TDRD10: variants seen among roughly 807,000 people sequenced by gnomAD.
TDRD10 encodes the protein tudor domain containing 10, also known as tudor domain-containing protein 10.
TDRD10 carries 40 observed loss-of-function variants against 48.0 expected under a neutral mutation model. That is an observed-to-expected ratio of 0.83 (90% CI 0.65 to 1.09). TDRD10 has a LOEUF of 1.09. TDRD10 is among the 50% of genes least tolerant of loss of function. TDRD10 has a pLI of 0.00. For synonymous variants in TDRD10, 162 were observed against 170.4 expected (o/e 0.95, Z 0.38); for missense variants, 378 against 434.7 (o/e 0.87, Z 1.16).
intron 8 of TDRD10, 146 bp downstream of exon 8, chr1:154,542,967 C>G: frequency 1.7e-6 from 1 of 603,174 alleles, no homozygotes; most frequent in Non-Finnish European, 2.9e-6. Context: ...GGCTGTGACC[C>G]ACACTGACTT....
rs181768703 is a variant in TDRD10 at position 154,512,531 on chromosome 1, A to G, written c.141+4050A>G. Among the ~76,000 whole-genome samples, 372 of 152,120 alleles carry G rather than the reference A, an allele frequency of 2.4e-3. 5 individuals are homozygous for G. The highest frequency in any genetic ancestry group is 1.7e-3 in the Non-Finnish European group (113 of 67,988). ...GGCTAAATTTGTATTTTTGGTAGAG[A>G]TGGGGTTTCTCCATGATGGTCAGGC... On this transcript the variant is annotated intron_variant, in intron 4 of 12. Coordinates refer to ENST00000368482, the MANE Select transcript of TDRD10 (RefSeq NM_182499.4).
intron 6 of TDRD10, among the ~76,000 whole-genome samples, chr1:154,522,833 T>G (rs757668018): frequency 6.6e-6 from 1 of 152,248 alleles, no homozygotes; most frequent in Non-Finnish European, 1.5e-5. Flanking sequence ...TTCTGGCTCA[T>G]TATCTTTCTG....
intron 4 of TDRD10, among the ~76,000 whole-genome samples, chr1:154,508,928 TC>T (rs1381261363): frequency 6.6e-6 from 1 of 152,142 alleles, no homozygotes; most frequent in Non-Finnish European, 1.5e-5. Context: ...ATGTAAGCAA[TC>T]GTATTTTTGA....
chr1:154,532,545 GCTC>G (rs1192357919), intron 6 of TDRD10, among the ~76,000 whole-genome samples: 1 of 152,224 alleles, frequency 6.6e-6, no homozygotes, highest in Non-Finnish European at 1.5e-5. Context: ...GGGCTGAAGG[GCTC>G]CTCAAGCGCG....
At chr1:154,533,353 G>GTTTT (rs75204432) in intron 6 of TDRD10, among the ~76,000 whole-genome samples, 3 of 134,434 alleles carry the variant, frequency 2.2e-5, no homozygotes, top group Admixed American at 7.5e-5. Flanking sequence ...CTTTTGTTGG[G>GTTTT]TTTTTTTTTT....
Position 154,533,545 on chromosome 1 carries a change from A to T in TDRD10, c.370-8479A>T, listed in dbSNP as rs575097086. On this transcript the variant is annotated intron_variant, in intron 6 of 12. Transcript: ENST00000368482. ...CAGAGTCTTCTTATGTTTGTTTTAC[A>T]TGTAATGTCCTGGGCTCTTAGTTGT... Among the ~76,000 whole-genome samples, 8 of 152,112 alleles carry T rather than the reference A, an allele frequency of 5.3e-5. No individual in the cohort carries two copies. In the South Asian group the frequency reaches 1.7e-3, roughly 32 times the overall value.
intron 6 of TDRD10, among the ~76,000 whole-genome samples, chr1:154,530,077 C>T (rs1352163914): frequency 1.3e-5 from 2 of 151,116 alleles, no homozygotes; most frequent in East Asian, 2.0e-4. Context: ...TGCAATGACA[C>T]GATCTTGGCT....
chr1:154,525,875 A>C (rs1479307509), intron 6 of TDRD10, among the ~76,000 whole-genome samples: 1 of 130,912 alleles, frequency 7.6e-6, no homozygotes, highest in Non-Finnish European at 1.6e-5. Context: ...CAGCCTGGGC[A>C]ACAGAGCAAG....
Position 154,507,123 on chromosome 1 carries a change from C to G in TDRD10, c.3-118C>G, listed in dbSNP as rs944661572. The G allele has an allele frequency of 7.8e-6, 12 of 1,542,604 alleles. No homozygotes were observed. In the Middle Eastern group the frequency reaches 5.6e-4, roughly 72 times the overall value. On this transcript the variant is annotated intron_variant, in intron 2 of 12. Transcript: ENST00000368482. ...CTGATTCTGGGAGGAGGAAGGGAAG[C>G]CTTTGGTCAGGAAGGGGAATGGAGG... is the stretch of plus-strand genomic sequence containing the variant.
Position 154,544,472 on chromosome 1 carries a change from G to T in TDRD10, c.752G>T (p.Cys251Phe), listed in dbSNP as rs772668703. ...EGSTVMRGTR[C>F]LAEYHLGDYG... ...TCCACCGTTATGCGCGGGACTCGCT[G>T]TCTGGCAGAGTACCACCTGGGGGAT... Residue 251 changes from cysteine (C) to phenylalanine (F), a missense_variant, in exon 10 of 13, where the codon TGT becomes TTT. Coordinates refer to ENST00000368482, the MANE Select transcript of TDRD10 (RefSeq NM_182499.4). 1 of 1,613,686 alleles carries T rather than the reference G, an allele frequency of 6.2e-7. No homozygotes were observed. The highest frequency in any genetic ancestry group is 8.5e-7 in the Non-Finnish European group (1 of 1,179,934).
At position 154,541,286 on chromosome 1, in the gene TDRD10, G is replaced by A. The variant is rs1191986105; in HGVS notation, c.370-738G>A. ...GAGGGATGGCGGGGAGGGCAGGAGC[G>A]GGAGAGGGGTTGGTGGTGGGGGTTG... On this transcript the variant is annotated intron_variant, in intron 6 of 12. Coordinates refer to ENST00000368482, the MANE Select transcript of TDRD10 (RefSeq NM_182499.4). Among the ~76,000 whole-genome samples the A allele has an allele frequency of 3.3e-5, 5 of 152,002 alleles. 1 individual carries two copies. Among genetic ancestry groups the A allele is most frequent in the African/African-American group, 1.2e-4 (5 of 41,450 alleles).
intron 4 of TDRD10, among the ~76,000 whole-genome samples, chr1:154,513,146 T>C (rs1047782236): frequency 6.6e-6 from 1 of 152,196 alleles, no homozygotes; most frequent in Non-Finnish European, 1.5e-5. Context: ...GGGTGTCCCA[T>C]GCACCAAAGA....
At chr1:154,511,410 G>A (rs1693467011) in intron 4 of TDRD10, among the ~76,000 whole-genome samples, 1 of 151,918 alleles carries the variant, frequency 6.6e-6, no homozygotes, top group Non-Finnish European at 1.5e-5. Flanking sequence ...GAGGTGGCCG[G>A]ATCACTTGAT....
chr1:154,516,727 G>C (rs1452768436), intron 4 of TDRD10, among the ~76,000 whole-genome samples: 1 of 152,128 alleles, frequency 6.6e-6, no homozygotes, highest in African/African-American at 2.4e-5. Context: ...TGGGTGGATT[G>C]CTTGAGCTTA....
At chr1:154,512,641 G>C (rs1693546793) in intron 4 of TDRD10, among the ~76,000 whole-genome samples, 1 of 152,170 alleles carries the variant, frequency 6.6e-6, no homozygotes, top group Non-Finnish European at 1.5e-5. Flanking sequence ...ACTGCACCCG[G>C]TGACTTTTTC....
chr1:154,521,530 A>G, intron 6 of TDRD10, 51 bp downstream of exon 6: 1 of 1,585,486 alleles, frequency 6.3e-7, no homozygotes, highest in Non-Finnish European at 8.6e-7. Flanking sequence ...CACCCTTTAG[A>G]GCGTGGCTGA....
intron 6 of TDRD10, among the ~76,000 whole-genome samples, chr1:154,535,761 C>T (rs532031638): frequency 1.5e-3 from 223 of 152,264 alleles, no homozygotes; most frequent in South Asian, 3.7e-3. Context: ...TCTCAGAAAG[C>T]TATGAAGGAG....
rs879549986 is a variant in TDRD10, at chr1:154,511,045, C to CA, written c.141+2577dup. Among the ~76,000 whole-genome samples, 339 of 137,548 alleles carry CA rather than the reference C, an allele frequency of 2.5e-3. 1 individual carries two copies. The highest frequency in any genetic ancestry group is 7.9e-3 in the East Asian group (38 of 4,836). 90.2% of individuals were successfully genotyped at this position (137,548 alleles called of 152,430 possible). ...TGGGAGATAGAGCGAGACCCTGTTT[C>CA]AAAAAAAAAAAAATTTAAAATATAT... On this transcript the variant is annotated intron_variant, in intron 4 of 12. Coordinates refer to ENST00000368482, the MANE Select transcript of TDRD10 (RefSeq NM_182499.4).
chr1:154,545,224 C>T (rs1695483351), intron 11 of TDRD10, among the ~76,000 whole-genome samples: 1 of 152,210 alleles, frequency 6.6e-6, no homozygotes, highest in Non-Finnish European at 1.5e-5. Flanking sequence ...GCAGATTTCC[C>T]ACCCCTGCTT....
Sources: allele counts gnomAD v4.1 joint callset (sites outside exome capture counted in the v4.1 genomes callset), GRCh38; gene constraint gnomAD v4.1.1; transcripts MANE v1.5; gene names NCBI Gene and HGNC (gene_info 2026-07-23, HGNC 2026-07-21).